The following RBFOX1 variants were observed in gnomAD, a reference collection of about 807,000 sequenced individuals.
RBFOX1 encodes the protein RNA binding fox-1 homolog 1.
In RBFOX1, 8 loss-of-function variants were observed where a neutral mutation model predicts 57.7. The ratio of observed to expected loss-of-function variants is 0.14; its 90% CI spans 0.08 to 0.25. RBFOX1 has a LOEUF of 0.25. Among genes scored for constraint, RBFOX1 ranks in the 10% least tolerant of loss-of-function variants. The probability of loss-of-function intolerance (pLI) is 1.00; values close to 1 mark genes in which losing one functional copy is unlikely to be tolerated. For missense variants in RBFOX1, 611 were observed against 548.5 expected (o/e 1.11, Z -1.14); for synonymous variants, 326 against 222.4 (o/e 1.47, Z -4.15).
chr16:7,169,723 C>G lies in RBFOX1; in HGVS notation c.27+117625C>G, dbSNP rs115910794. ...GACTATTTTGTTGCATATGATGATA[C>G]AGAGCATTAATTCATCTGCCTTCTC... On this transcript the variant is annotated intron_variant, in intron 4 of 15. Transcript: ENST00000550418. Among the ~76,000 whole-genome samples, 433 of 152,276 alleles carry G rather than the reference C, an allele frequency of 2.8e-3. 3 individuals carry two copies. The highest frequency in any genetic ancestry group is 0.01 in the African/African-American group (416 of 41,544).
At chr16:6,137,078 T>C (rs1191965844) in intron 1 of RBFOX1, among the ~76,000 whole-genome samples, 1 of 152,226 alleles carries the variant, frequency 6.6e-6, no homozygotes, top group Non-Finnish European at 1.5e-5. Flanking sequence ...TAATCTATCA[T>C]ATTTCCTCTG....
chr16:6,808,673 T>C (rs2087582912), intron 3 of RBFOX1, among the ~76,000 whole-genome samples: 1 of 152,096 alleles, frequency 6.6e-6, no homozygotes, highest in Admixed American at 6.6e-5. Flanking sequence ...GGCAGAAAAA[T>C]GGTATACAGT....
intron 3 of RBFOX1, among the ~76,000 whole-genome samples, chr16:5,812,126 C>CT (rs761333747): frequency 6.6e-6 from 1 of 152,156 alleles, no homozygotes; most frequent in East Asian, 1.9e-4. Context: ...GTGTTTGGTT[C>CT]TTTTTGTTGT....
chr16:5,826,167 T>A (rs1259435040), intron 3 of RBFOX1, among the ~76,000 whole-genome samples: 1 of 148,652 alleles, frequency 6.7e-6, no homozygotes, highest in Non-Finnish European at 1.5e-5. Context: ...TAACATATTA[T>A]TCTTATATGT....
At chr16:7,035,454 A>T (rs1488399327) in intron 3 of RBFOX1, among the ~76,000 whole-genome samples, 1 of 152,236 alleles carries the variant, frequency 6.6e-6, no homozygotes, top group East Asian at 1.9e-4. Flanking sequence ...TTATTTGAAT[A>T]TTAAGTACAG....
intron 4 of RBFOX1, among the ~76,000 whole-genome samples, chr16:7,321,675 A>G (rs905329808): frequency 6.6e-6 from 1 of 152,220 alleles, no homozygotes; most frequent in East Asian, 1.9e-4. Flanking sequence ...AGGAGTTAGA[A>G]GATGTTTGGC....
chr16:6,141,574 C>T (rs1414021707), intron 1 of RBFOX1, among the ~76,000 whole-genome samples: 10 of 152,122 alleles, frequency 6.6e-5, no homozygotes, highest in Non-Finnish European at 1.5e-5. Flanking sequence ...TCCTGTCTTT[C>T]CCTGCTTGTC....
chr16:6,884,003 C>T (rs548900567), intron 3 of RBFOX1, among the ~76,000 whole-genome samples: 2 of 152,250 alleles, frequency 1.3e-5, no homozygotes, highest in South Asian at 4.1e-4. Context: ...GGGAGTCACA[C>T]ACAAGGAGGG....
intron 2 of RBFOX1, among the ~76,000 whole-genome samples, chr16:6,354,760 A>C (rs2086987702): frequency 6.6e-6 from 1 of 152,144 alleles, no homozygotes. Flanking sequence ...TTGTGTCTGT[A>C]GTCTGGTGAT....
In RBFOX1 at chr16:7,671,438, G is replaced by C. The variant is rs543593246; in HGVS notation, c.931-5336G>C. ...CTTGGTGGGCCAGTCCCAAGGCTTGGTGAAGTAAGAGAGAAGCAAACTTGT... is the reference window on the plus strand; with the variant it reads ...CTTGGTGGGCCAGTCCCAAGGCTTGCTGAAGTAAGAGAGAAGCAAACTTGT... On this transcript the variant is annotated intron_variant, in intron 13 of 15. Coordinates refer to ENST00000550418, the MANE Select transcript of RBFOX1 (RefSeq NM_018723.4). 34 of 922,112 alleles carry C rather than the reference G, an allele frequency of 3.7e-5. No individual in the cohort carries two copies. In the Admixed American group the frequency reaches 6.6e-4, roughly 18 times the overall value. The allele number at this position is 922,112 out of a possible 1,614,324, so 57.1% of individuals were successfully genotyped here.
In RBFOX1 at chr16:6,428,308, A is replaced by C. The variant is rs981056511; in HGVS notation, c.-64+111251A>C. 3.3e-5 allele frequency among the ~76,000 whole-genome samples: 5 copies of C among 151,378 alleles called. No individual in the cohort carries two copies. In the Admixed American group the frequency reaches 3.3e-4, roughly 10 times the overall value. ...CTCAAAAAAAAAAAAAAAAAAAAAA[A>C]AGTGCTCGATGCCTAGTTAGCATTC... On this transcript the variant is annotated intron_variant, in intron 2 of 15. Transcript: ENST00000550418.
chr16:5,683,217 G>A (rs937107278), intron 3 of RBFOX1, among the ~76,000 whole-genome samples: 1 of 152,082 alleles, frequency 6.6e-6, no homozygotes, highest in African/African-American at 2.4e-5. Context: ...CAAAGCTGTG[G>A]CACTTGGGAA....
intron 11 of RBFOX1, among the ~76,000 whole-genome samples, chr16:7,637,872 A>G (rs563405449): frequency 5.3e-4 from 81 of 152,334 alleles, no homozygotes; most frequent in African/African-American, 1.7e-3. Context: ...TTTTAATGCA[A>G]TATTTTTAAA....
intron 4 of RBFOX1, among the ~76,000 whole-genome samples, chr16:7,152,291 A>G (rs2076253202): frequency 6.6e-6 from 1 of 152,180 alleles, no homozygotes; most frequent in East Asian, 1.9e-4. Context: ...GTATTCTATC[A>G]GTGGAAAGAG....
intron 3 of RBFOX1, among the ~76,000 whole-genome samples, chr16:6,966,623 A>T (rs2084229209): frequency 6.6e-6 from 1 of 152,206 alleles, no homozygotes; most frequent in African/African-American, 2.4e-5. Context: ...ATGGGGTCAC[A>T]GAGCAAGAGG....
intron 2 of RBFOX1, among the ~76,000 whole-genome samples, chr16:5,574,956 C>T (rs919762381): frequency 6.6e-6 from 1 of 152,176 alleles, no homozygotes; most frequent in African/African-American, 2.4e-5. Flanking sequence ...TAAGGCTGCA[C>T]AGAAGCCACT....
rs568437198 is a variant in RBFOX1 at position 6,902,635 on chromosome 16, T to C, written c.-15-149422T>C. On this transcript the variant is annotated intron_variant, in intron 3 of 15. Transcript: ENST00000550418. ...TATTCAGGAGGCTCAGAAAGGAGAATTGCTTGAACCCAGGAGGCAGAGGCT... is the reference window on the plus strand; with the variant it reads ...TATTCAGGAGGCTCAGAAAGGAGAACTGCTTGAACCCAGGAGGCAGAGGCT... Among the ~76,000 whole-genome samples the C allele has an allele frequency of 3.3e-5, 5 of 152,230 alleles. No individual in the cohort carries two copies. The South Asian group carries it at 8.3e-4, about 25-fold the overall frequency.
chr16:5,605,461 T>G (rs776937714), intron 3 of RBFOX1, among the ~76,000 whole-genome samples: 2 of 152,120 alleles, frequency 1.3e-5, no homozygotes, highest in Non-Finnish European at 2.9e-5. Context: ...GTGGTGCCAT[T>G]GATGAGTAAT....
intron 1 of RBFOX1, among the ~76,000 whole-genome samples, chr16:5,455,496 A>T (rs559618621): frequency 6.6e-6 from 1 of 152,162 alleles, no homozygotes; most frequent in South Asian, 2.1e-4. Context: ...TGTTTTCAAA[A>T]CCACCCCAAG....
Sources: gnomAD v4.1 joint callset for allele counts (sites outside exome capture counted in the v4.1 genomes callset) on GRCh38, gnomAD v4.1.1 for gene constraint, MANE v1.5 for transcripts, NCBI Gene and HGNC (gene_info 2026-07-23, HGNC 2026-07-21) for gene names.